The following P3H2 variants were observed in gnomAD, a reference collection of about 807,000 sequenced individuals.
P3H2 encodes the protein prolyl 3-hydroxylase 2, also known as leprecan-like 1.
In P3H2, 80 loss-of-function variants were observed where a neutral mutation model predicts 87.0. The observed-to-expected ratio is 0.92, with a 90% CI of 0.77 to 1.11. The LOEUF (loss-of-function observed/expected upper bound fraction) is 1.11, where lower values mean the gene tolerates loss of function less well. Ranked by LOEUF, P3H2 falls within the 50% of genes least tolerant of loss-of-function variation. The pLI is 0.00. For synonymous variants in P3H2, 367 were observed against 359.3 expected (o/e 1.02, Z -0.24); for missense variants, 1,001 against 923.9 (o/e 1.08, Z -1.08).
intron 13 of P3H2, among the ~76,000 whole-genome samples, chr3:189,966,123 A>AAAAGAAAG (rs34608513): frequency 0.033 from 3,372 of 102,148 alleles, 134 homozygotes; most frequent in Middle Eastern, 0.075. Context: ...GAAAGAAAGA[A>AAAAGAAAG]AAAGAAAGAA....
intron 1 of P3H2, among the ~76,000 whole-genome samples, chr3:189,999,597 AC>A (rs1724149551): frequency 6.6e-6 from 1 of 152,230 alleles, no homozygotes; most frequent in Non-Finnish European, 1.5e-5. Context: ...CTCCAATGAA[AC>A]AAACCAACAG....
chr3:189,994,313 C>A (rs1306237174), intron 2 of P3H2, 30 bp from the exon 3 acceptor site: 31 of 1,481,390 alleles, frequency 2.1e-5, no homozygotes, highest in Non-Finnish European at 2.7e-5. Flanking sequence ...AAAAAACAAA[C>A]AAACAAACAA....
chr3:190,022,859 C>T (rs1366291704), intron 1 of P3H2, among the ~76,000 whole-genome samples: 2 of 152,036 alleles, frequency 1.3e-5, no homozygotes, highest in African/African-American at 2.4e-5. Context: ...TGGAGTCTCA[C>T]TCTTTTGCCC....
intron 1 of P3H2, among the ~76,000 whole-genome samples, chr3:190,089,944 T>C (rs755037263): frequency 5.3e-5 from 8 of 152,118 alleles, no homozygotes; most frequent in Non-Finnish European, 1.2e-4. Context: ...GGGACGTTTG[T>C]TGGGGAGGCT....
intron 13 of P3H2, among the ~76,000 whole-genome samples, chr3:189,964,480 C>T (rs73184319): frequency 0.097 from 14,705 of 152,296 alleles, 853 homozygotes; most frequent in Non-Finnish European, 0.13. Context: ...CCATTCCATA[C>T]TTGTGTAATT....
At position 190,119,226 on chromosome 3, in the gene P3H2, G is replaced by GAGCAC. The variant is rs1277474249; in HGVS notation, c.480+1021_480+1025dup. ...GGAGAGGAGAAAAGAAAGCAAAGCAGAGCACAGCAGAGCAGAGCAGAGCAG... is the reference window on the plus strand; with the variant it reads ...GGAGAGGAGAAAAGAAAGCAAAGCAGAGCACAGCACAGCAGAGCAGAGCAGAGCAG... On this transcript the variant is annotated intron_variant, in intron 1 of 14. Transcript: ENST00000319332. Among the ~76,000 whole-genome samples, 7 of 120,750 alleles carry GAGCAC rather than the reference G, an allele frequency of 5.8e-5. No individual in the cohort carries two copies. The East Asian group carries it at 2.2e-3, about 38-fold the overall frequency. The allele number at this position is 120,750 out of a possible 152,430, so 79.2% of individuals were successfully genotyped here.
intron 1 of P3H2, among the ~76,000 whole-genome samples, chr3:190,019,411 A>G (rs1455022855): frequency 6.6e-6 from 1 of 152,196 alleles, no homozygotes; most frequent in Non-Finnish European, 1.5e-5. Context: ...AAAATTGTCA[A>G]AATATTCAAT....
intron 1 of P3H2, among the ~76,000 whole-genome samples, chr3:190,012,622 T>G (rs765335782): frequency 9.9e-5 from 15 of 152,208 alleles, no homozygotes; most frequent in Non-Finnish European, 2.2e-4. Flanking sequence ...AATCTTTGAC[T>G]GATTATTTCT....
intron 1 of P3H2, among the ~76,000 whole-genome samples, chr3:190,094,622 C>T (rs903755109): frequency 6.6e-6 from 1 of 152,196 alleles, no homozygotes; most frequent in African/African-American, 2.4e-5. Context: ...GTCCTGAGTA[C>T]AATACAGCAA....
intron 1 of P3H2, among the ~76,000 whole-genome samples, chr3:190,034,461 C>T (rs1358606116): frequency 6.6e-6 from 1 of 152,148 alleles, no homozygotes; most frequent in African/African-American, 2.4e-5. Context: ...ATGTAAAAAA[C>T]ATAGGAAAAT....
intron 1 of P3H2, among the ~76,000 whole-genome samples, chr3:190,113,995 G>C (rs1325115135): frequency 2.8e-5 from 4 of 144,654 alleles, no homozygotes; most frequent in African/African-American, 5.2e-5. Context: ...CAGGAGAATG[G>C]CGTGAACCCG....
chr3:189,979,833 T>G (rs868819015), intron 8 of P3H2, among the ~76,000 whole-genome samples: 2 of 151,586 alleles, frequency 1.3e-5, no homozygotes, highest in African/African-American at 4.8e-5. Context: ...CCTGGCATGG[T>G]GGCATGCACC....
Position 189,974,170 on chromosome 3 carries a change from CTT to C in P3H2, c.1453-168_1453-167del, listed in dbSNP as rs1474251779. ...CTATTCTTTTAATTAAAAGAGATATCTTTATTTAATCTTCATTCTACATTTTT... is the reference window on the plus strand; with the variant it reads ...CTATTCTTTTAATTAAAAGAGATATCTATTTAATCTTCATTCTACATTTTT... On this transcript the variant is annotated intron_variant, in intron 9 of 14. Transcript: ENST00000319332. The C allele has an allele frequency of 1.4e-5, 9 of 640,676 alleles. No homozygotes were observed. In the East Asian group the frequency reaches 1.9e-4, roughly 14 times the overall value. 39.7% of individuals were successfully genotyped at this position (640,676 alleles called of 1,614,324 possible).
At chr3:190,017,633 C>T (rs1253012723) in intron 1 of P3H2, among the ~76,000 whole-genome samples, 2 of 152,188 alleles carry the variant, frequency 1.3e-5, no homozygotes, top group Non-Finnish European at 2.9e-5. Flanking sequence ...TCGAGCCACA[C>T]CCCTAAGCCA....
chr3:190,081,000 A>G (rs1167840925), intron 1 of P3H2, among the ~76,000 whole-genome samples: 1 of 152,266 alleles, frequency 6.6e-6, no homozygotes, highest in African/African-American at 2.4e-5. Context: ...TCTGGCTGAT[A>G]GTCACACTCA....
At chr3:189,961,267 A>T (rs552509311) in intron 14 of P3H2, among the ~76,000 whole-genome samples, 2 of 152,186 alleles carry the variant, frequency 1.3e-5, no homozygotes, top group Non-Finnish European at 2.9e-5. Context: ...ATACTTAACA[A>T]ATCGACACAC....
At chr3:189,984,384 G>A (rs1191808241) in intron 7 of P3H2, among the ~76,000 whole-genome samples, 166 bp downstream of exon 7, 2 of 151,986 alleles carry the variant, frequency 1.3e-5, no homozygotes, top group Non-Finnish European at 2.9e-5. Flanking sequence ...TTACAAAAAC[G>A]TGGCAGGAAG....
intron 1 of P3H2, among the ~76,000 whole-genome samples, chr3:190,092,973 AG>A (rs1727461547): frequency 6.6e-6 from 1 of 152,180 alleles, no homozygotes; most frequent in Non-Finnish European, 1.5e-5. Context: ...TCACCTGCTT[AG>A]TGTCTCATAC....
At chr3:190,112,692 T>C (rs558385795) in intron 1 of P3H2, among the ~76,000 whole-genome samples, 1 of 152,154 alleles carries the variant, frequency 6.6e-6, no homozygotes, top group Admixed American at 6.5e-5. Flanking sequence ...TCAAGAGAAA[T>C]AGCTTCTTTC....
Sources: gnomAD v4.1 joint callset for allele counts (sites outside exome capture counted in the v4.1 genomes callset) on GRCh38, gnomAD v4.1.1 for gene constraint, MANE v1.5 for transcripts, NCBI Gene and HGNC (gene_info 2026-07-23, HGNC 2026-07-21) for gene names.